The following STX18 variants were observed in gnomAD, a reference collection of about 807,000 sequenced individuals.
The protein encoded by STX18 is syntaxin 18.
STX18 carries 40 observed loss-of-function variants against 50.1 expected under a neutral mutation model. The ratio of observed to expected loss-of-function variants is 0.80; its 90% CI spans 0.62 to 1.04. STX18 has a LOEUF of 1.04. STX18 is among the 50% of genes least tolerant of loss of function. STX18 has a pLI of 0.00. For synonymous variants in STX18, 158 were observed against 151.8 expected, an observed-to-expected ratio of 1.04 and a Z score of -0.30; for missense variants, 410 against 415.8, an observed-to-expected ratio of 0.99 and a Z score of 0.12.
intron 5 of STX18, among the ~76,000 whole-genome samples, chr4:4,438,967 A>G (rs1003121875): frequency 2.7e-5 from 4 of 148,412 alleles, no homozygotes; most frequent in African/African-American, 1.0e-4. Flanking sequence ...ATATACCCCC[A>G]ACACATGTAT....
intron 7 of STX18, among the ~76,000 whole-genome samples, chr4:4,431,360 G>A (rs765553089): frequency 3.3e-5 from 5 of 152,162 alleles, no homozygotes; most frequent in African/African-American, 4.8e-5. Flanking sequence ...CATATAAACC[G>A]GTGAAAACCT....
In STX18 at chr4:4,434,785, T is replaced by C; in HGVS notation, c.687A>G (p.Pro229=). ...GDGKGEDELS[P]EEIQMFEQEN... is the part of the protein sequence containing the mutation. ...ATAGCATTACCATTTGTATTTCTTCTGGGGATAACTCATCTTCGCCTTTGC... is the reference window on the plus strand; with the variant it reads ...ATAGCATTACCATTTGTATTTCTTCCGGGGATAACTCATCTTCGCCTTTGC... Residue 229 remains proline, a synonymous_variant, in exon 7 of 11, where the codon CCA becomes CCG. Coordinates refer to ENST00000306200, the MANE Select transcript of STX18 (RefSeq NM_016930.4). The C allele has an allele frequency of 1.2e-6, 2 of 1,606,678 alleles. No individual in the cohort carries two copies. Among genetic ancestry groups the C allele is most frequent in the Non-Finnish European group, 1.7e-6 (2 of 1,178,130 alleles).
chr4:4,439,555 C>T (rs1725994567), intron 5 of STX18, among the ~76,000 whole-genome samples: 1 of 144,102 alleles, frequency 6.9e-6, no homozygotes, highest in African/African-American at 2.6e-5. Flanking sequence ...GAAACACACA[C>T]ATATATACCC....
chr4:4,493,088 A>C (rs1382416383), intron 1 of STX18, among the ~76,000 whole-genome samples: 1 of 152,260 alleles, frequency 6.6e-6, no homozygotes, highest in Non-Finnish European at 1.5e-5. Context: ...AAATATCCAT[A>C]AAGTGCTCAG....
At chr4:4,489,250 G>A (rs1382146792) in intron 1 of STX18, among the ~76,000 whole-genome samples, 2 of 151,960 alleles carry the variant, frequency 1.3e-5, no homozygotes, top group African/African-American at 4.8e-5. Context: ...GCAAAGTCCA[G>A]GGTCTTGCTT....
At chr4:4,492,790 A>C (rs1474046844) in intron 1 of STX18, among the ~76,000 whole-genome samples, 1 of 152,050 alleles carries the variant, frequency 6.6e-6, no homozygotes, top group Non-Finnish European at 1.5e-5. Context: ...CTGCTTAGCC[A>C]CTCTCTTCCC....
intron 2 of STX18, among the ~76,000 whole-genome samples, chr4:4,466,986 T>C (rs1319999985): frequency 1.3e-5 from 2 of 151,972 alleles, no homozygotes; most frequent in African/African-American, 2.4e-5. Flanking sequence ...GAAGCTGTCC[T>C]CTTGCACAGA....
chr4:4,524,385 C>T (rs767073518), intron 1 of STX18, among the ~76,000 whole-genome samples: 1 of 152,234 alleles, frequency 6.6e-6, no homozygotes, highest in Non-Finnish European at 1.5e-5. Context: ...AAGTAACATA[C>T]TGCATCAGAT....
chr4:4,428,667 C>T (rs566966376), intron 7 of STX18, among the ~76,000 whole-genome samples: 5 of 152,254 alleles, frequency 3.3e-5, no homozygotes, highest in African/African-American at 1.2e-4. Flanking sequence ...AGCCATTTCA[C>T]TCTCCCAGGC....
chr4:4,493,104 G>A (rs1729013445), intron 1 of STX18, among the ~76,000 whole-genome samples: 2 of 152,178 alleles, frequency 1.3e-5, no homozygotes, highest in South Asian at 4.1e-4. Flanking sequence ...CTCAGAAAGT[G>A]TACTGTAAAC....
intron 5 of STX18, 34 bp downstream of exon 5, chr4:4,457,157 T>C (rs1461838290): frequency 3.2e-6 from 5 of 1,569,486 alleles, no homozygotes; most frequent in South Asian, 1.1e-5. Flanking sequence ...AGTACTATTA[T>C]TAATTAAGAA....
chr4:4,506,521 G>A lies in STX18; in HGVS notation c.169-34815C>T, dbSNP rs771333116. 3.2e-4 allele frequency among the ~76,000 whole-genome samples: 48 copies of A among 152,168 alleles called. 1 individual carries two copies. The highest frequency in any genetic ancestry group is 1.3e-4 in the Non-Finnish European group (9 of 68,034). ...ACCGTTTGTGGGTTCACGGGAGTGG[G>A]TGTGACCACAAACGGACAGCATGGG... is the stretch of plus-strand genomic sequence containing the variant. On this transcript the variant is annotated intron_variant, in intron 1 of 10. Coordinates refer to ENST00000306200, the MANE Select transcript of STX18 (RefSeq NM_016930.4).
chr4:4,457,675 G>A (rs1005194305), intron 3 of STX18, among the ~76,000 whole-genome samples, 175 bp from the exon 4 acceptor site: 5 of 152,156 alleles, frequency 3.3e-5, no homozygotes, highest in Admixed American at 2.0e-4. Context: ...ATCAGGCTTC[G>A]CAAGAGTGAA....
At chr4:4,470,837 G>A (rs553044784) in intron 2 of STX18, among the ~76,000 whole-genome samples, 3 of 152,224 alleles carry the variant, frequency 2.0e-5, no homozygotes, top group African/African-American at 7.2e-5. Context: ...ATAAGGCCAG[G>A]GGCTAGATCA....
intron 2 of STX18, among the ~76,000 whole-genome samples, chr4:4,465,140 G>C (rs913488080): frequency 1.3e-5 from 2 of 152,090 alleles, no homozygotes; most frequent in African/African-American, 2.4e-5. Flanking sequence ...TCTTTGTTCT[G>C]TTGGTGGGAG....
intron 1 of STX18, among the ~76,000 whole-genome samples, chr4:4,515,367 G>A (rs1044798344): frequency 2.6e-5 from 4 of 152,078 alleles, no homozygotes; most frequent in Non-Finnish European, 4.4e-5. Flanking sequence ...TCTAAAAATT[G>A]TGGTCATCTT....
chr4:4,450,272 G>A (rs1040727137), intron 5 of STX18, among the ~76,000 whole-genome samples: 7 of 152,164 alleles, frequency 4.6e-5, no homozygotes, highest in African/African-American at 7.2e-5. Context: ...ACCACAGACA[G>A]GGCTTTTCCC....
intron 1 of STX18, among the ~76,000 whole-genome samples, chr4:4,534,439 T>C (rs916099365): frequency 6.6e-6 from 1 of 152,248 alleles, no homozygotes; most frequent in African/African-American, 2.4e-5. Flanking sequence ...TTTCCACTAA[T>C]TAGTTACTAA....
intron 5 of STX18, among the ~76,000 whole-genome samples, chr4:4,451,727 TC>T (rs2108808388): frequency 6.6e-6 from 1 of 152,272 alleles, no homozygotes; most frequent in Non-Finnish European, 1.5e-5. Flanking sequence ...CTCTGACTGC[TC>T]CCCGGCCCAG....
Sources: allele counts gnomAD v4.1 joint callset (sites outside exome capture counted in the v4.1 genomes callset), GRCh38; gene constraint gnomAD v4.1.1; transcripts MANE v1.5; gene names NCBI Gene and HGNC (gene_info 2026-07-23, HGNC 2026-07-21).